The following POC1A variants were observed in gnomAD, a reference collection of about 807,000 sequenced individuals.
POC1A encodes POC1 centriolar protein A, also known as POC1 centriolar protein homolog A.
POC1A carries 34 observed loss-of-function variants against 47.8 expected under a neutral mutation model. That is an observed-to-expected ratio of 0.71 (90% CI 0.54 to 0.95). The LOEUF (loss-of-function observed/expected upper bound fraction) is 0.95. Among genes scored for constraint, POC1A ranks in the 40% least tolerant of loss-of-function variants. POC1A has a pLI of 0.00. For missense variants in POC1A, 466 were observed against 528.3 expected (o/e 0.88, Z 1.16); for synonymous variants, 177 against 207.6 (o/e 0.85, Z 1.27).
rs1389262067 is a variant in POC1A, at chr3:52,116,361, G to A, written c.981+6018C>T. On this transcript the variant is annotated intron_variant, in intron 9 of 10. Coordinates refer to ENST00000296484, the MANE Select transcript of POC1A (RefSeq NM_015426.5). ...AGGAAGAAGAAATAGACCATCCTTC[G>A]GCACGGATGAGGCTCAGTTCAGATG... Among the ~76,000 whole-genome samples the A allele has an allele frequency of 2.0e-5, 3 of 152,150 alleles. No individual in the cohort carries two copies. In the South Asian group the frequency reaches 6.2e-4, roughly 32 times the overall value.
chr3:52,142,739 C>T (rs1020802175), intron 6 of POC1A, among the ~76,000 whole-genome samples: 3 of 152,150 alleles, frequency 2.0e-5, no homozygotes, highest in African/African-American at 4.8e-5. Context: ...GGACAGAAAG[C>T]GGATCAGGCA....
intron 10 of POC1A, among the ~76,000 whole-genome samples, chr3:52,088,443 A>G (rs556971720): frequency 7.2e-5 from 11 of 152,322 alleles, no homozygotes; most frequent in African/African-American, 2.6e-4. Context: ...CACTGTGGGC[A>G]TGATGAGGTT....
In POC1A at chr3:52,154,348, G is replaced by T; in HGVS notation, c.18+7C>A. ...AGGCCTGGGGAGTTGCTCTCGGCTGGGCTTACCGCGCAGGGCGCAGCCATG... is the reference window on the plus strand; with the variant it reads ...AGGCCTGGGGAGTTGCTCTCGGCTGTGCTTACCGCGCAGGGCGCAGCCATG... On this transcript the variant is annotated splice_region_variant and intron_variant, in intron 1 of 10. Coordinates refer to ENST00000296484, the MANE Select transcript of POC1A (RefSeq NM_015426.5). 6.4e-7 allele frequency: 1 copy of T among 1,553,302 alleles called. No individual in the cohort carries two copies.
At chr3:52,147,839 G>A (rs138526366) in intron 4 of POC1A, among the ~76,000 whole-genome samples, 579 of 151,716 alleles carry the variant, frequency 3.8e-3, no homozygotes, top group Non-Finnish European at 5.3e-3. Flanking sequence ...TCTTGTTTTC[G>A]TTTTCTTACG....
intron 9 of POC1A, among the ~76,000 whole-genome samples, chr3:52,100,531 A>G (rs1702962001): frequency 1.3e-5 from 2 of 152,258 alleles, no homozygotes; most frequent in Non-Finnish European, 2.9e-5. Context: ...AGACACTTCC[A>G]AGGAAAATAG....
In POC1A at chr3:52,122,414, G is replaced by C; in HGVS notation, c.946C>G (p.Pro316Ala). ...DHGEVTKVPR[P>A]PATLASSMGN... ...ATGGAGCTGGCCAGTGTGGCTGGGGGCCTCGGCACTTTCGTGACTTCTCCA... is the reference window on the plus strand; with the variant it reads ...ATGGAGCTGGCCAGTGTGGCTGGGGCCCTCGGCACTTTCGTGACTTCTCCA... Residue 316 changes from proline (P) to alanine (A), a missense_variant, in exon 9 of 11, where the codon CCC (proline) becomes GCC (alanine). Physicochemically the swap from Pro to Ala is conservative, Grantham distance 27 (BLOSUM62 -1). Coordinates refer to ENST00000296484, the MANE Select transcript of POC1A (RefSeq NM_015426.5). The C allele has an allele frequency of 6.2e-7, 1 of 1,612,368 alleles. No individual in the cohort carries two copies.
Position 52,149,909 on chromosome 3 carries a change from T to C in POC1A, c.182A>G (p.Lys61Arg). 1 of 1,613,948 alleles carries C rather than the reference T, an allele frequency of 6.2e-7. No homozygotes were observed. Among genetic ancestry groups the C allele is most frequent in the Admixed American group, 1.7e-5 (1 of 60,032 alleles). Residue 61 changes from lysine to arginine, a missense_variant, in exon 3 of 11, where the codon AAG becomes AGG. Coordinates refer to ENST00000296484, the MANE Select transcript of POC1A (RefSeq NM_015426.5). ...GAAGTTCACACAGGTGACGGCATCC[T>C]TGTGGCCAGTGAAGCGGTAGGCGCG... is the stretch of plus-strand genomic sequence containing the variant. ...QSRAYRFTGHKDAVTCVNFSP... is the reference protein window; with the variant it reads ...QSRAYRFTGHRDAVTCVNFSP...
chr3:52,087,726 T>C (rs1003148709), intron 10 of POC1A, among the ~76,000 whole-genome samples: 2 of 152,150 alleles, frequency 1.3e-5, no homozygotes, highest in East Asian at 1.9e-4. Flanking sequence ...GGAGAAGCTA[T>C]AAAAAGTGGG....
chr3:52,133,244 G>A (rs1032234354), intron 7 of POC1A, among the ~76,000 whole-genome samples: 1 of 152,080 alleles, frequency 6.6e-6, no homozygotes, highest in African/African-American at 2.4e-5. Context: ...ACTCCCCTCA[G>A]AGGATGCAGC....
intron 10 of POC1A, among the ~76,000 whole-genome samples, chr3:52,081,259 G>A (rs1487817207): frequency 6.6e-6 from 1 of 152,162 alleles, no homozygotes; most frequent in Non-Finnish European, 1.5e-5. Flanking sequence ...GCTGCCTTCT[G>A]GGTCCAGCGA....
chr3:52,153,113 G>A (rs1211594076), intron 1 of POC1A, among the ~76,000 whole-genome samples: 1 of 152,226 alleles, frequency 6.6e-6, no homozygotes, highest in Non-Finnish European at 1.5e-5. Context: ...GCACAACACT[G>A]TGAATGTACT....
At chr3:52,112,104 T>C (rs546277056) in intron 9 of POC1A, among the ~76,000 whole-genome samples, 40 of 152,324 alleles carry the variant, frequency 2.6e-4, no homozygotes, top group African/African-American at 9.4e-4. Flanking sequence ...AGAGCCTTGG[T>C]AGATGCCTTT....
At chr3:52,101,505 G>T (rs1703005501) in intron 9 of POC1A, among the ~76,000 whole-genome samples, 1 of 152,144 alleles carries the variant, frequency 6.6e-6, no homozygotes. Flanking sequence ...GATTAATATG[G>T]TAAAGGCTCT....
chr3:52,116,063 G>A (rs976228533), intron 9 of POC1A, among the ~76,000 whole-genome samples: 5 of 152,062 alleles, frequency 3.3e-5, no homozygotes, highest in African/African-American at 1.2e-4. Context: ...GGTGGAAATG[G>A]GTCTCCTCTC....
chr3:52,109,667 T>C (rs571965388), intron 9 of POC1A, among the ~76,000 whole-genome samples: 2 of 152,240 alleles, frequency 1.3e-5, no homozygotes, highest in East Asian at 3.9e-4. Flanking sequence ...CTGACCAGCC[T>C]TTAGCACTGC....
At chr3:52,078,436 A>G (rs1702183065) in intron 10 of POC1A, among the ~76,000 whole-genome samples, 1 of 151,602 alleles carries the variant, frequency 6.6e-6, no homozygotes, top group Admixed American at 6.6e-5. Flanking sequence ...AATTTTCTTA[A>G]TAAAGCATAG....
At chr3:52,133,286 C>T (rs1704304507) in intron 7 of POC1A, among the ~76,000 whole-genome samples, 1 of 152,146 alleles carries the variant, frequency 6.6e-6, no homozygotes, top group African/African-American at 2.4e-5. Flanking sequence ...CAGAGGGCAG[C>T]CTTCCCCAAC....
At chr3:52,150,975 C>A in intron 2 of POC1A, 41 bp downstream of exon 2, 1 of 1,603,302 alleles carries the variant, frequency 6.2e-7, no homozygotes, top group South Asian at 1.1e-5. Flanking sequence ...TTGGCCTGTT[C>A]AGCTCATAAC....
intron 10 of POC1A, among the ~76,000 whole-genome samples, chr3:52,092,605 G>C (rs1394470353): frequency 6.6e-6 from 1 of 152,102 alleles, no homozygotes; most frequent in Admixed American, 6.6e-5. Flanking sequence ...AAAACCAGGA[G>C]GATGAAAACT....
Sources: allele counts gnomAD v4.1 joint callset (sites outside exome capture counted in the v4.1 genomes callset), GRCh38; gene constraint gnomAD v4.1.1; transcripts MANE v1.5; gene names NCBI Gene and HGNC (gene_info 2026-07-23, HGNC 2026-07-21).